Variants in CRISP3 observed in about 807,000 individuals in gnomAD.
CRISP3 encodes the protein cysteine-rich secretory protein 3.
In CRISP3, 33 loss-of-function variants were observed where a neutral mutation model predicts 36.1. The ratio of observed to expected loss-of-function variants is 0.91; its 90% CI spans 0.69 to 1.22. The LOEUF (loss-of-function observed/expected upper bound fraction) is 1.22. Ranked by LOEUF, CRISP3 falls within the 50% of genes most tolerant of loss-of-function variation. The probability of loss-of-function intolerance (pLI) is 0.00; values close to 1 mark genes in which losing one functional copy is unlikely to be tolerated. For missense variants in CRISP3, 330 were observed against 301.2 expected (o/e 1.10, Z -0.71); for synonymous variants, 117 against 104.6 (o/e 1.12, Z -0.72).
chr6:49,733,928 C>A, intron 4 of CRISP3, 80 bp from the exon 5 acceptor site: 2 of 1,240,550 alleles, frequency 1.6e-6, no homozygotes, highest in East Asian at 2.3e-5. Flanking sequence ...ACACACTACA[C>A]ACAGCAGAAT....
Position 49,728,593 on chromosome 6 carries a change from A to T in CRISP3, c.*137T>A. 3 of 700,378 alleles carry T rather than the reference A, an allele frequency of 4.3e-6. No individual in the cohort carries two copies. Among genetic ancestry groups the T allele is most frequent in the Non-Finnish European group, 6.3e-6 (3 of 477,184 alleles). 43.4% of individuals were successfully genotyped at this position (700,378 alleles called of 1,614,324 possible). A position where few individuals can be genotyped will look rare whatever the true frequency, so the allele number is the denominator to read the frequency against. On this transcript the variant is annotated 3_prime_UTR_variant, in exon 8 of 8. Transcript: ENST00000263045. Reference sequence around the variant, plus strand: ...TAAAATAAAAAGCAGATCCAGAAGAAAAACATTTGAAATCAAATGTGTATC... The same window carrying T: ...TAAAATAAAAAGCAGATCCAGAAGATAAACATTTGAAATCAAATGTGTATC...
rs1768804249 is a variant in CRISP3, at chr6:49,727,824, G to T, written c.*906C>A. The stretch of plus-strand genomic sequence containing the variant: ...ATTAGATTGGGATTATGAATTTTTA[G>T]AAAGATTATCTAGAACAAATCTGAA... On this transcript the variant is annotated 3_prime_UTR_variant, in exon 8 of 8. Transcript: ENST00000263045. 1 of 152,100 alleles carries T rather than the reference G, an allele frequency of 6.6e-6. No individual in the cohort carries two copies. Among genetic ancestry groups the T allele is most frequent in the African/African-American group, 2.4e-5 (1 of 41,428 alleles). 9.4% of individuals were successfully genotyped at this position (152,100 alleles called of 1,614,324 possible). A position where few individuals can be genotyped will look rare whatever the true frequency, so the allele number is the denominator to read the frequency against.
intron 1 of CRISP3, among the ~76,000 whole-genome samples, chr6:49,740,469 A>T (rs1769169232): frequency 6.7e-6 from 1 of 149,104 alleles, no homozygotes; most frequent in African/African-American, 2.5e-5. Flanking sequence ...CTCTGAAAAA[A>T]TTATAGAAGC....
chr6:49,741,906 T>C (rs1017848155), intron 1 of CRISP3, among the ~76,000 whole-genome samples: 26 of 147,746 alleles, frequency 1.8e-4, no homozygotes, highest in Non-Finnish European at 6.0e-5. Context: ...AATATATTAT[T>C]ATATATAAAA....
In CRISP3 at chr6:49,728,853, A is replaced by G. The variant is rs1410510208; in HGVS notation, c.654T>C (p.Asn218=). 3.1e-6 allele frequency: 5 copies of G among 1,605,334 alleles called. No individual in the cohort carries two copies. The highest frequency in any genetic ancestry group is 3.4e-6 in the Non-Finnish European group (4 of 1,176,294). ...TATAGAGATCTTCGTACTTGCAACC[A>G]TTGGCTGGAATAAAAACAAAGAAAT... The part of the protein sequence containing the change: ...PDNCDDGLCT[N]GCKYEDLYSN... Residue 218 remains asparagine (N), a synonymous_variant, in exon 8 of 8, where the codon AAT becomes AAC. Transcript: ENST00000263045.
At chr6:49,736,297 T>C (rs891945462) in intron 3 of CRISP3, 94 bp downstream of exon 3, 55 of 793,964 alleles carry the variant, frequency 6.9e-5, no homozygotes, top group Non-Finnish European at 1.0e-4. Flanking sequence ...GAGAACTTTG[T>C]AAACTTCAAA....
At chr6:49,733,475 A>T (rs946629842) in intron 5 of CRISP3, among the ~76,000 whole-genome samples, 183 bp from the exon 6 acceptor site, 1 of 152,184 alleles carries the variant, frequency 6.6e-6, no homozygotes, top group African/African-American at 2.4e-5. Flanking sequence ...TTACATTTCC[A>T]TGTACATTCC....
Position 49,743,930 on chromosome 6 carries a change from G to A in CRISP3, c.37+401C>T, listed in dbSNP as rs1230462904. Among the ~76,000 whole-genome samples the A allele has an allele frequency of 2.0e-5, 3 of 152,138 alleles. No individual in the cohort carries two copies. The East Asian group carries it at 5.8e-4, about 29-fold the overall frequency. Reference sequence around the variant, plus strand: ...AACTTTTGCTATGGCATCCCATATAGCTGTATGTTTTAATATTAGTAAAAG... The same window carrying A: ...AACTTTTGCTATGGCATCCCATATAACTGTATGTTTTAATATTAGTAAAAG... On this transcript the variant is annotated intron_variant, in intron 1 of 7. Coordinates refer to ENST00000263045, the MANE Select transcript of CRISP3 (RefSeq NM_006061.4).
chr6:49,728,955 G>T, intron 7 of CRISP3, 98 bp from the exon 8 acceptor site: 1 of 1,149,592 alleles, frequency 8.7e-7, no homozygotes, highest in African/African-American at 1.6e-5. Context: ...GTAGGGAAGT[G>T]AGCAAACAAG....
chr6:49,730,829 G>A (rs1450245100), intron 7 of CRISP3, among the ~76,000 whole-genome samples: 2 of 152,102 alleles, frequency 1.3e-5, no homozygotes, highest in African/African-American at 2.4e-5. Flanking sequence ...TCGCTTGATG[G>A]CCAGAAGTTC....
chr6:49,744,070 C>T (rs1206826018), intron 1 of CRISP3, among the ~76,000 whole-genome samples: 3 of 151,924 alleles, frequency 2.0e-5, no homozygotes, highest in Admixed American at 2.0e-4. Flanking sequence ...AGTTATATTA[C>T]TTTAGAATGA....
chr6:49,734,807 G>T (rs943644584), intron 4 of CRISP3, among the ~76,000 whole-genome samples: 49 of 151,944 alleles, frequency 3.2e-4, no homozygotes, highest in African/African-American at 1.1e-3. Context: ...TGTTATTTTT[G>T]ATAATTTAAT....
chr6:49,744,317 G>A lies in CRISP3; in HGVS notation c.37+14C>T, dbSNP rs766981577. The stretch of plus-strand genomic sequence containing the variant: ...AAATAATGTTCACCTTGAAATAAAG[G>A]AGTTATCACTTACCAGTGGTTTCCA... On this transcript the variant is annotated intron_variant, in intron 1 of 7. Transcript: ENST00000263045. The A allele has an allele frequency of 1.3e-6, 2 of 1,507,368 alleles. No individual in the cohort carries two copies. Among genetic ancestry groups the A allele is most frequent in the Non-Finnish European group, 1.8e-6 (2 of 1,122,386 alleles). 93.4% of individuals were successfully genotyped at this position (1,507,368 alleles called of 1,614,324 possible).
chr6:49,741,888 T>G (rs887967793), intron 1 of CRISP3, among the ~76,000 whole-genome samples: 1 of 147,420 alleles, frequency 6.8e-6, no homozygotes, highest in Admixed American at 6.8e-5. Flanking sequence ...TTATATATAA[T>G]AATATAAAAT....
At position 49,735,388 on chromosome 6, in the gene CRISP3, A is replaced by G. The variant is rs550687166; in HGVS notation, c.316+116T>C. The G allele has an allele frequency of 1.8e-4, 131 of 723,484 alleles. No homozygotes were observed. The African/African-American group carries it at 2.1e-3, about 12-fold the overall frequency. 44.8% of individuals were successfully genotyped at this position (723,484 alleles called of 1,614,324 possible). A position where few individuals can be genotyped will look rare whatever the true frequency, so the allele number is the denominator to read the frequency against. ...CTCTACATGTAGATAGTCCATATTG[A>G]AAAAGGTAGCATTAGAAGCAATATT... is the stretch of plus-strand genomic sequence containing the variant. On this transcript the variant is annotated intron_variant, in intron 4 of 7. Transcript: ENST00000263045.
chr6:49,738,822 G>A (rs560781507), intron 1 of CRISP3, among the ~76,000 whole-genome samples: 8 of 151,912 alleles, frequency 5.3e-5, no homozygotes, highest in African/African-American at 1.7e-4. Flanking sequence ...AAACCATCTC[G>A]TCCCAGCATC....
At chr6:49,739,210 A>G (rs1769138687) in intron 1 of CRISP3, among the ~76,000 whole-genome samples, 1 of 152,206 alleles carries the variant, frequency 6.6e-6, no homozygotes, top group Non-Finnish European at 1.5e-5. Flanking sequence ...CTCCTGCAGA[A>G]TTTGAGAGCA....
intron 1 of CRISP3, among the ~76,000 whole-genome samples, chr6:49,738,324 A>G (rs1212005795): frequency 1.3e-5 from 2 of 152,242 alleles, no homozygotes; most frequent in Admixed American, 1.3e-4. Context: ...ATAATGTCTA[A>G]GTAAATGAGA....
chr6:49,728,623 A>C lies in CRISP3; in HGVS notation c.*107T>G. The stretch of plus-strand genomic sequence containing the variant: ...ATTTGAAATCAAATGTGTATCAAAC[A>C]TGCCTACAATTTCTCAGCTAGTATA... On this transcript the variant is annotated 3_prime_UTR_variant, in exon 8 of 8. Coordinates refer to ENST00000263045, the MANE Select transcript of CRISP3 (RefSeq NM_006061.4). 2 of 887,438 alleles carry C rather than the reference A, an allele frequency of 2.3e-6. No individual in the cohort carries two copies. Among genetic ancestry groups the C allele is most frequent in the Non-Finnish European group, 3.1e-6 (2 of 635,932 alleles). The allele number at this position is 887,438 out of a possible 1,614,324, so 55.0% of individuals were successfully genotyped here.
Sources: allele counts gnomAD v4.1 joint callset (sites outside exome capture counted in the v4.1 genomes callset), GRCh38; gene constraint gnomAD v4.1.1; transcripts MANE v1.5; gene names NCBI Gene and HGNC (gene_info 2026-07-23, HGNC 2026-07-21).